GRIK2: variants seen among roughly 807,000 people sequenced by gnomAD.
The protein encoded by GRIK2 is glutamate ionotropic receptor kainate type subunit 2.
A neutral mutation model predicts 100.3 loss-of-function variants in GRIK2; 32 were observed. The ratio of observed to expected loss-of-function variants is 0.32; its 90% CI spans 0.24 to 0.43. GRIK2 has a LOEUF of 0.43. Ranked by LOEUF, GRIK2 falls within the 20% of genes least tolerant of loss-of-function variation. GRIK2 has a pLI of 1.00. For missense variants in GRIK2, 843 were observed against 1,114.9 expected (o/e 0.76, Z 3.47); for synonymous variants, 417 against 389.4 (o/e 1.07, Z -0.83).
At chr6:101,962,747 ATAAAT>A (rs1221258092) in intron 14 of GRIK2, among the ~76,000 whole-genome samples, 1 of 152,030 alleles carries the variant, frequency 6.6e-6, no homozygotes, top group Admixed American at 6.5e-5. Context: ...TCCTTTTTTG[ATAAAT>A]TAACATTATT....
At chr6:101,956,189 T>G (rs1023494848) in intron 14 of GRIK2, among the ~76,000 whole-genome samples, 1 of 152,114 alleles carries the variant, frequency 6.6e-6, no homozygotes, top group Non-Finnish European at 1.5e-5. Flanking sequence ...AATCTATTTC[T>G]TTCTGTTATT....
chr6:101,496,539 T>C (rs1773457925), intron 2 of GRIK2, among the ~76,000 whole-genome samples: 2 of 152,186 alleles, frequency 1.3e-5, no homozygotes, highest in Non-Finnish European at 2.9e-5. Context: ...GCATGATATA[T>C]ATTTTGTCAA....
At chr6:101,431,962 A>G (rs150613630) in intron 2 of GRIK2, among the ~76,000 whole-genome samples, 1 of 152,314 alleles carries the variant, frequency 6.6e-6, no homozygotes, top group Non-Finnish European at 1.5e-5. Flanking sequence ...ATGCCTCATT[A>G]GAAAGCGGAC....
chr6:101,841,510 C>G (rs1276649047), intron 10 of GRIK2, among the ~76,000 whole-genome samples: 1 of 151,886 alleles, frequency 6.6e-6, no homozygotes, highest in Non-Finnish European at 1.5e-5. Flanking sequence ...ATTACAGGCA[C>G]CCACCACCAT....
chr6:102,048,423 C>A (rs939136815), intron 15 of GRIK2, among the ~76,000 whole-genome samples: 2 of 151,868 alleles, frequency 1.3e-5, no homozygotes, highest in Non-Finnish European at 2.9e-5. Flanking sequence ...GAAGGGACAA[C>A]CTAGAGATTG....
At chr6:101,624,468 AAAC>A (rs1562268000) in intron 3 of GRIK2, among the ~76,000 whole-genome samples, 3 of 152,320 alleles carry the variant, frequency 2.0e-5, no homozygotes, top group South Asian at 4.1e-4. Context: ...AAGAATGTTT[AAAC>A]AAGTGTTCTG....
intron 16 of GRIK2, among the ~76,000 whole-genome samples, chr6:102,066,403 A>G (rs962116291): frequency 2.0e-5 from 3 of 151,646 alleles, no homozygotes; most frequent in African/African-American, 7.2e-5. Flanking sequence ...AGAGAGATAC[A>G]TAGAGCACTG....
intron 9 of GRIK2, among the ~76,000 whole-genome samples, chr6:101,815,666 A>G (rs1781590103): frequency 6.6e-6 from 1 of 152,108 alleles, no homozygotes; most frequent in African/African-American, 2.4e-5. Context: ...GTCATATGAC[A>G]AAATAGTGGT....
chr6:101,732,404 ATTTTT>A (rs1325533260), intron 7 of GRIK2, among the ~76,000 whole-genome samples: 1 of 151,736 alleles, frequency 6.6e-6, no homozygotes, highest in Non-Finnish European at 1.5e-5. Context: ...TAACAATCAT[ATTTTT>A]TTTAGTTTTC....
intron 2 of GRIK2, among the ~76,000 whole-genome samples, chr6:101,548,174 T>C (rs1444201676): frequency 2.0e-5 from 3 of 152,170 alleles, no homozygotes; most frequent in African/African-American, 7.2e-5. Flanking sequence ...GTTGTTTGTT[T>C]TTTTCTTGTA....
At chr6:101,810,559 G>T (rs1469994838) in intron 9 of GRIK2, among the ~76,000 whole-genome samples, 1 of 152,034 alleles carries the variant, frequency 6.6e-6, no homozygotes, top group Non-Finnish European at 1.5e-5. Flanking sequence ...CCAATTTCCA[G>T]ACAATTGCTC....
At chr6:101,523,859 A>G (rs892257711) in intron 2 of GRIK2, among the ~76,000 whole-genome samples, 1 of 151,708 alleles carries the variant, frequency 6.6e-6, no homozygotes, top group Non-Finnish European at 1.5e-5. Context: ...AGCTGGGATT[A>G]CAGGTGCTCA....
chr6:101,678,644 AT>A (rs1232195006), intron 5 of GRIK2, among the ~76,000 whole-genome samples: 1 of 152,112 alleles, frequency 6.6e-6, no homozygotes, highest in Non-Finnish European at 1.5e-5. Context: ...ATAGGGTCCT[AT>A]TTTGTGATTT....
chr6:101,476,536 G>T (rs541931703), intron 2 of GRIK2, among the ~76,000 whole-genome samples: 4 of 152,056 alleles, frequency 2.6e-5, no homozygotes, highest in East Asian at 1.9e-4. Context: ...ATGATTTTAG[G>T]TTTTTTTCCC....
At chr6:101,477,388 A>G (rs1437288729) in intron 2 of GRIK2, among the ~76,000 whole-genome samples, 3 of 152,152 alleles carry the variant, frequency 2.0e-5, no homozygotes, top group African/African-American at 4.8e-5. Context: ...ATTTGCCCAC[A>G]ATGGCCCTTC....
intron 7 of GRIK2, among the ~76,000 whole-genome samples, chr6:101,703,924 C>T (rs1489612232): frequency 6.6e-6 from 1 of 151,282 alleles, no homozygotes; most frequent in Non-Finnish European, 1.5e-5. Flanking sequence ...GACTCATTTT[C>T]TCCATTTTAT....
intron 1 of GRIK2, among the ~76,000 whole-genome samples, chr6:101,396,240 A>T (rs1398997350): frequency 7.5e-6 from 1 of 133,668 alleles, no homozygotes; most frequent in Non-Finnish European, 1.6e-5. Flanking sequence ...TAAATTTAGC[A>T]TTCCCCCCCC....
intron 14 of GRIK2, among the ~76,000 whole-genome samples, chr6:101,975,809 G>GTCTGTCTATCTATCTATCTATCTA (rs141650149): frequency 0.011 from 1,561 of 147,508 alleles, 14 homozygotes; most frequent in African/African-American, 0.026. Context: ...CTATCTATCT[G>GTCTGTCTATCTATCTATCTATCTA]TCTATCTATC....
In GRIK2 at chr6:101,791,704, C is replaced by A. The variant is rs1779872908; in HGVS notation, c.952-7944C>A. 2.0e-5 allele frequency among the ~76,000 whole-genome samples: 3 copies of A among 152,024 alleles called. No homozygotes were observed. In the South Asian group the frequency reaches 6.2e-4, roughly 32 times the overall value. ...TTCTGTTGATTTGGGGTGGAGAGTTCTGTAGATGGCTATTAGGTCCGCTTG... is the reference window on the plus strand; with the variant it reads ...TTCTGTTGATTTGGGGTGGAGAGTTATGTAGATGGCTATTAGGTCCGCTTG... On this transcript the variant is annotated intron_variant, in intron 7 of 16. Coordinates refer to ENST00000369134, the MANE Select transcript of GRIK2 (RefSeq NM_021956.5).
Sources: gnomAD v4.1 joint callset for allele counts (sites outside exome capture counted in the v4.1 genomes callset) on GRCh38, gnomAD v4.1.1 for gene constraint, MANE v1.5 for transcripts, NCBI Gene and HGNC (gene_info 2026-07-23, HGNC 2026-07-21) for gene names.